Variants in HTR3A observed in about 807,000 individuals in gnomAD.
HTR3A encodes 5-hydroxytryptamine (serotonin) receptor 3A, ionotropic.
In HTR3A, 45 loss-of-function variants were observed where a neutral mutation model predicts 54.8. The observed-to-expected ratio is 0.82, with a 90% CI of 0.65 to 1.05. HTR3A has a LOEUF of 1.05. HTR3A is among the 50% of genes least tolerant of loss of function. The pLI is 0.00. For synonymous variants in HTR3A, 297 were observed against 256.0 expected, an observed-to-expected ratio of 1.16 and a Z score of -1.53; for missense variants, 657 against 614.0, an observed-to-expected ratio of 1.07 and a Z score of -0.74.
intron 6 of HTR3A, 145 bp from the exon 7 acceptor site, chr11:113,986,373 G>T (rs1249371615): frequency 1.5e-5 from 16 of 1,060,930 alleles, no homozygotes; most frequent in Non-Finnish European, 2.1e-5. Flanking sequence ...GGATTGAGAG[G>T]CAGGGTATGG....
rs760850821 is a variant in HTR3A, at chr11:113,975,201, G to T, written c.-125G>T. ...GAGTGTGAGGCTGCAGCCTCAGAAG[G>T]TGTGAGCAGTGGCCACGAGAGGCAG... On this transcript the variant is annotated 5_prime_UTR_variant, in exon 1 of 9. Coordinates refer to ENST00000504030, the MANE Select transcript of HTR3A (RefSeq NM_000869.6). 8 of 864,452 alleles carry T rather than the reference G, an allele frequency of 9.3e-6. No homozygotes were observed. The highest frequency in any genetic ancestry group is 1.9e-6 in the Non-Finnish European group (1 of 527,990). The allele number at this position is 864,452 out of a possible 1,614,324, so 53.5% of individuals were successfully genotyped here. A position where few individuals can be genotyped will look rare whatever the true frequency, so the allele number is the denominator to read the frequency against.
intron 2 of HTR3A, among the ~76,000 whole-genome samples, chr11:113,978,730 C>G (rs149119648): frequency 6.6e-6 from 1 of 152,168 alleles, no homozygotes; most frequent in Non-Finnish European, 1.5e-5. Flanking sequence ...GTGGCTCACA[C>G]CTGTAATCCC....
At chr11:113,976,854 C>T (rs1950358893) in intron 1 of HTR3A, among the ~76,000 whole-genome samples, 1 of 151,550 alleles carries the variant, frequency 6.6e-6, no homozygotes, top group Non-Finnish European at 1.5e-5. Flanking sequence ...AGGTTGTACT[C>T]CCTTCACCGT....
intron 3 of HTR3A, among the ~76,000 whole-genome samples, chr11:113,980,597 C>T (rs1950410090): frequency 6.6e-6 from 1 of 152,226 alleles, no homozygotes; most frequent in East Asian, 1.9e-4. Flanking sequence ...AGCAGTGTTT[C>T]ATTGCATACG....
Position 113,975,293 on chromosome 11 carries a change from C to T in HTR3A, c.-33C>T. The T allele has an allele frequency of 6.2e-7, 1 of 1,612,018 alleles. No individual in the cohort carries two copies. The highest frequency in any genetic ancestry group is 1.3e-5 in the African/African-American group (1 of 75,046). On this transcript the variant is annotated 5_prime_UTR_variant, in exon 1 of 9. Transcript: ENST00000504030. Reference sequence around the variant, plus strand: ...CCCTTGGTGGGCCTCGTCCTGAGCACTCGGAGGCACTCCTATGCTTGGAAA... The same window carrying T: ...CCCTTGGTGGGCCTCGTCCTGAGCATTCGGAGGCACTCCTATGCTTGGAAA...
intron 8 of HTR3A, 90 bp downstream of exon 8, chr11:113,987,136 AG>A: frequency 1.4e-6 from 2 of 1,384,946 alleles, no homozygotes; most frequent in Non-Finnish European, 2.0e-6. Flanking sequence ...CCTGCCAAGG[AG>A]GTGCTGTACT....
chr11:113,989,864 T>A lies in HTR3A; in HGVS notation c.*101T>A. ...GGACCCAGGGAATGCCAGGGACATT[T>A]TCAAGACACAGACAAAGTCCCGTGC... is the stretch of plus-strand genomic sequence containing the variant. On this transcript the variant is annotated 3_prime_UTR_variant, in exon 9 of 9. Coordinates refer to ENST00000504030, the MANE Select transcript of HTR3A (RefSeq NM_000869.6). This position sits in a 1 kb window ranked among gnomAD's most constrained non-coding sequence, Gnocchi z 4.4. The A allele has an allele frequency of 1.5e-6, 2 of 1,302,754 alleles. No homozygotes were observed. Among genetic ancestry groups the A allele is most frequent in the Non-Finnish European group, 2.2e-6 (2 of 911,634 alleles). 80.7% of individuals were successfully genotyped at this position (1,302,754 alleles called of 1,614,324 possible).
At chr11:113,984,633 C>T (rs1950466816) in intron 5 of HTR3A, among the ~76,000 whole-genome samples, 1 of 151,934 alleles carries the variant, frequency 6.6e-6, no homozygotes, top group Admixed American at 6.6e-5. Flanking sequence ...GAAGGCATCC[C>T]CCAGGCCGGG....
At chr11:113,988,113 C>T (rs928100129) in intron 8 of HTR3A, among the ~76,000 whole-genome samples, 2 of 152,268 alleles carry the variant, frequency 1.3e-5, no homozygotes, top group African/African-American at 4.8e-5. Flanking sequence ...CTCCACTCCA[C>T]TCCCCTTTGT....
chr11:113,975,724 A>G (rs1265188132), intron 1 of HTR3A, among the ~76,000 whole-genome samples: 2 of 152,150 alleles, frequency 1.3e-5, no homozygotes, highest in Non-Finnish European at 1.5e-5. Flanking sequence ...TTTGAATGAA[A>G]GCTGCAAGGG....
chr11:113,979,854 G>T (rs892154163), intron 3 of HTR3A, among the ~76,000 whole-genome samples: 25 of 152,288 alleles, frequency 1.6e-4, no homozygotes, highest in African/African-American at 5.5e-4. Flanking sequence ...CCCTGGGGTT[G>T]TTGGGAAGTC....
At position 113,983,279 on chromosome 11, in the gene HTR3A, G is replaced by C; in HGVS notation, c.534G>C (p.Trp178Cys). The change falls in exon 5 of 9, where the codon TGG becomes TGC. Residue 178 changes from tryptophan to cysteine, a missense_variant. Coordinates refer to ENST00000504030, the MANE Select transcript of HTR3A (RefSeq NM_000869.6). ...ACTGCTCGCTGACCTTCACCAGTTGGCTGCACACCAGTGAGTATGTGGGCT... is the reference window on the plus strand; with the variant it reads ...ACTGCTCGCTGACCTTCACCAGTTGCCTGCACACCAGTGAGTATGTGGGCT... ...VQNCSLTFTS[W>C]LHTIQDINIS... The C allele has an allele frequency of 6.2e-7, 1 of 1,614,046 alleles. No homozygotes were observed. The highest frequency in any genetic ancestry group is 1.1e-5 in the South Asian group (1 of 91,080).
chr11:113,986,053 A>G lies in HTR3A; in HGVS notation c.583A>G (p.Lys195Glu), dbSNP rs1310101881. Residue 195 changes from lysine (K) to glutamate (E), a missense_variant, in exon 6 of 9, where the codon AAG becomes GAG. By Grantham distance (56) the Lys-to-Glu change is moderately conservative (BLOSUM62 1). Coordinates refer to ENST00000504030, the MANE Select transcript of HTR3A (RefSeq NM_000869.6). Reference sequence around the variant, plus strand: ...CATCTCTTTGTGGCGCTTGCCAGAAAAGGTGAAATCCGACAGGAGTGTCTT... The same window carrying G: ...CATCTCTTTGTGGCGCTTGCCAGAAGAGGTGAAATCCGACAGGAGTGTCTT... The part of the protein sequence containing the change: ...INISLWRLPE[K>E]VKSDRSVFMN... 1.4e-5 allele frequency: 23 copies of G among 1,614,212 alleles called. No homozygotes were observed. Among genetic ancestry groups the G allele is most frequent in the Non-Finnish European group, 1.9e-5 (22 of 1,180,038 alleles).
At chr11:113,981,596 C>T (rs1950422644) in intron 4 of HTR3A, among the ~76,000 whole-genome samples, 1 of 152,114 alleles carries the variant, frequency 6.6e-6, no homozygotes, top group African/African-American at 2.4e-5. Flanking sequence ...AATGAATTAA[C>T]ACTGAGTTAT....
intron 2 of HTR3A, 38 bp downstream of exon 2, chr11:113,977,960 T>C (rs775527228): frequency 3.1e-6 from 5 of 1,613,736 alleles, no homozygotes; most frequent in Admixed American, 1.7e-5. Context: ...GGCAGACCTT[T>C]TGGGGGTGGG....
Position 113,989,451 on chromosome 11 carries a change from T to C in HTR3A, c.1139-14T>C, listed in dbSNP as rs1175016237. The C allele has an allele frequency of 6.2e-7, 1 of 1,613,792 alleles. No individual in the cohort carries two copies. Among genetic ancestry groups the C allele is most frequent in the Non-Finnish European group, 8.5e-7 (1 of 1,179,982 alleles). On this transcript the variant is annotated splice_polypyrimidine_tract_variant and intron_variant, in intron 8 of 8. Coordinates refer to ENST00000504030, the MANE Select transcript of HTR3A (RefSeq NM_000869.6). The surrounding 1 kb of genome is among the most constrained non-coding windows in gnomAD (Gnocchi z 4.4). The stretch of plus-strand genomic sequence containing the variant: ...GGGTCTCCCTCTCTTGCCAATGCCC[T>C]GCCCTTCTTCCAGCCATGGGAAACC...
At chr11:113,983,609 A>G (rs1591604055) in intron 5 of HTR3A, among the ~76,000 whole-genome samples, 2 of 152,316 alleles carry the variant, frequency 1.3e-5, no homozygotes, top group South Asian at 2.1e-4. Context: ...AAATTGCTTT[A>G]TGAGTTCTTA....
intron 5 of HTR3A, among the ~76,000 whole-genome samples, chr11:113,983,986 T>G (rs928749601): frequency 6.6e-6 from 1 of 152,224 alleles, no homozygotes; most frequent in Non-Finnish European, 1.5e-5. Context: ...CAGGCTCATC[T>G]GCTCCTCTGA....
At position 113,989,326 on chromosome 11, in the gene HTR3A, G is replaced by A; in HGVS notation, c.1139-139G>A. The A allele has an allele frequency of 1.1e-6, 1 of 903,184 alleles. No individual in the cohort carries two copies. Among genetic ancestry groups the A allele is most frequent in the Non-Finnish European group, 1.8e-6 (1 of 558,930 alleles). 55.9% of individuals were successfully genotyped at this position (903,184 alleles called of 1,614,324 possible). On this transcript the variant is annotated intron_variant, in intron 8 of 8. Coordinates refer to ENST00000504030, the MANE Select transcript of HTR3A (RefSeq NM_000869.6). This position sits in a 1 kb window ranked among gnomAD's most constrained non-coding sequence, Gnocchi z 4.4. Reference sequence around the variant, plus strand: ...TGCAGTGAGCTTAGATCACACCACTGCCCTCCAGCCTGGGTGACAGAGTGA... The same window carrying A: ...TGCAGTGAGCTTAGATCACACCACTACCCTCCAGCCTGGGTGACAGAGTGA...
Sources: allele counts gnomAD v4.1 joint callset (sites outside exome capture counted in the v4.1 genomes callset), GRCh38; gene constraint gnomAD v4.1.1; non-coding constraint Gnocchi (gnomAD v3.1); transcripts MANE v1.5; gene names NCBI Gene and HGNC (gene_info 2026-07-23, HGNC 2026-07-21).